The following RFTN2 variants were observed in gnomAD, a reference collection of about 807,000 sequenced individuals.
The protein encoded by RFTN2 is raftlin family member 2, also known as raftlin-2.
In RFTN2, 34 loss-of-function variants were observed where a neutral mutation model predicts 52.7. The observed-to-expected ratio is 0.64, with a 90% CI of 0.49 to 0.86. RFTN2 has a LOEUF of 0.86. RFTN2 is among the 40% of genes least tolerant of loss of function. The pLI is 0.00. For missense variants in RFTN2, 536 were observed against 600.1 expected (o/e 0.89, Z 1.12); for synonymous variants, 203 against 217.7 (o/e 0.93, Z 0.59).
At chr2:197,653,448 A>C (rs2088850939) in intron 1 of RFTN2, among the ~76,000 whole-genome samples, 1 of 152,154 alleles carries the variant, frequency 6.6e-6, no homozygotes, top group African/African-American at 2.4e-5. Flanking sequence ...TGACTAAGCA[A>C]TGGAAGACTC....
At chr2:197,629,905 G>A (rs890311732) in intron 5 of RFTN2, among the ~76,000 whole-genome samples, 15 of 151,850 alleles carry the variant, frequency 9.9e-5, no homozygotes, top group Non-Finnish European at 2.9e-5. Flanking sequence ...TGCATTTTTT[G>A]TAGAGATGAG....
chr2:197,639,039 C>A (rs1445539144), intron 3 of RFTN2, among the ~76,000 whole-genome samples: 1 of 140,702 alleles, frequency 7.1e-6, no homozygotes, highest in South Asian at 2.5e-4. Flanking sequence ...GTTGAAAATT[C>A]TTTTCTTTAA....
intron 8 of RFTN2, among the ~76,000 whole-genome samples, chr2:197,586,657 C>A (rs970579591): frequency 6.6e-6 from 1 of 152,180 alleles, no homozygotes; most frequent in African/African-American, 2.4e-5. Context: ...TCTGCGTCCA[C>A]TAATGTTCTT....
chr2:197,618,900 G>A (rs1289586893), intron 5 of RFTN2, among the ~76,000 whole-genome samples: 2 of 150,440 alleles, frequency 1.3e-5, no homozygotes, highest in Non-Finnish European at 3.0e-5. Flanking sequence ...CAGCCACCCC[G>A]TCTGGGAAGT....
At chr2:197,632,488 T>C (rs931513548) in intron 4 of RFTN2, among the ~76,000 whole-genome samples, 1 of 152,224 alleles carries the variant, frequency 6.6e-6, no homozygotes, top group Non-Finnish European at 1.5e-5. Flanking sequence ...TCTGCCATGA[T>C]TGTCAGTTTC....
intron 1 of RFTN2, among the ~76,000 whole-genome samples, chr2:197,654,986 ACT>A (rs1454340668): frequency 6.6e-5 from 10 of 152,084 alleles, no homozygotes; most frequent in Non-Finnish European, 1.5e-4. Flanking sequence ...ACAGAGCAAG[ACT>A]CTGTCTCAAA....
chr2:197,667,639 C>T (rs2089080574), intron 1 of RFTN2, among the ~76,000 whole-genome samples: 1 of 152,114 alleles, frequency 6.6e-6, no homozygotes, highest in Non-Finnish European at 1.5e-5. Context: ...GGGTAGGATG[C>T]TTTGGTTTTG....
intron 7 of RFTN2, among the ~76,000 whole-genome samples, chr2:197,612,723 C>T (rs1459340571): frequency 6.6e-6 from 1 of 152,190 alleles, no homozygotes; most frequent in Non-Finnish European, 1.5e-5. Context: ...CAGCTTTAAA[C>T]CCTAGTGGTG....
intron 5 of RFTN2, among the ~76,000 whole-genome samples, chr2:197,622,572 T>C (rs1272861905): frequency 6.6e-6 from 1 of 152,156 alleles, no homozygotes; most frequent in East Asian, 1.9e-4. Flanking sequence ...TCCCGAAGTG[T>C]TGGGATTACA....
intron 7 of RFTN2, among the ~76,000 whole-genome samples, chr2:197,610,028 T>C (rs1363899882): frequency 6.6e-6 from 1 of 152,230 alleles, no homozygotes; most frequent in Non-Finnish European, 1.5e-5. Flanking sequence ...AGCCTTGTAG[T>C]ATAGTTTGAA....
At chr2:197,589,319 C>T (rs2087658633) in intron 8 of RFTN2, among the ~76,000 whole-genome samples, 1 of 151,356 alleles carries the variant, frequency 6.6e-6, no homozygotes, top group African/African-American at 2.4e-5. Flanking sequence ...TGACTTGCTC[C>T]TCCTTGCCTT....
chr2:197,574,054 G>A (rs951595086), intron 8 of RFTN2, among the ~76,000 whole-genome samples: 1 of 152,230 alleles, frequency 6.6e-6, no homozygotes. Flanking sequence ...AGTGTGGAAG[G>A]GAATTGTGGG....
chr2:197,602,149 C>G (rs1397862900), intron 7 of RFTN2, among the ~76,000 whole-genome samples: 1 of 151,610 alleles, frequency 6.6e-6, no homozygotes, highest in African/African-American at 2.4e-5. Flanking sequence ...CACCGCAACC[C>G]CCACCTTGTG....
intron 8 of RFTN2, among the ~76,000 whole-genome samples, chr2:197,586,105 T>C (rs978926519): frequency 1.3e-5 from 2 of 152,192 alleles, no homozygotes; most frequent in Non-Finnish European, 2.9e-5. Flanking sequence ...ACGGGCAAAC[T>C]TAAAAACATT....
intron 8 of RFTN2, chr2:197,588,117 A>T (rs1366676942): frequency 4.8e-6 from 2 of 418,468 alleles, no homozygotes; most frequent in Non-Finnish European, 9.8e-6. Flanking sequence ...TTAATATAGA[A>T]AATGTGACAA....
intron 1 of RFTN2, among the ~76,000 whole-genome samples, chr2:197,657,955 A>G (rs779366849): frequency 9.9e-5 from 15 of 152,068 alleles, no homozygotes; most frequent in Non-Finnish European, 2.1e-4. Context: ...TAGGTATTCA[A>G]ACCTTCTTCA....
At chr2:197,603,556 A>G (rs2087912640) in intron 7 of RFTN2, among the ~76,000 whole-genome samples, 1 of 152,134 alleles carries the variant, frequency 6.6e-6, no homozygotes, top group Non-Finnish European at 1.5e-5. Context: ...GGCCCAAGCT[A>G]TCCTCCCAGC....
Position 197,617,934 on chromosome 2 carries a change from G to A in RFTN2, c.929-13C>T. ...GGCAAATGTTCCCCTGTGAGGAAGA[G>A]GGTACAATTAAGAAGGGTTGTAAAT... On this transcript the variant is annotated splice_polypyrimidine_tract_variant and intron_variant, in intron 5 of 8. Coordinates refer to ENST00000295049, the MANE Select transcript of RFTN2 (RefSeq NM_144629.3). The A allele has an allele frequency of 6.3e-7, 1 of 1,590,130 alleles. No individual in the cohort carries two copies. The highest frequency in any genetic ancestry group is 8.6e-7 in the Non-Finnish European group (1 of 1,167,464).
intron 1 of RFTN2, among the ~76,000 whole-genome samples, chr2:197,661,767 A>C (rs1350290010): frequency 6.6e-6 from 1 of 152,122 alleles, no homozygotes; most frequent in Non-Finnish European, 1.5e-5. Context: ...GGTGTATAAG[A>C]GTTCCCTTTT....
Sources: gnomAD v4.1 joint callset for allele counts (sites outside exome capture counted in the v4.1 genomes callset) on GRCh38, gnomAD v4.1.1 for gene constraint, MANE v1.5 for transcripts, NCBI Gene and HGNC (gene_info 2026-07-23, HGNC 2026-07-21) for gene names.